Variants in PUM2 observed in about 807,000 individuals in gnomAD.
PUM2 encodes pumilio RNA binding family member 2.
A neutral mutation model predicts 124.5 loss-of-function variants in PUM2; 57 were observed. The observed-to-expected ratio is 0.46, with a 90% CI of 0.37 to 0.57. The LOEUF is 0.57. Ranked by LOEUF, PUM2 falls within the 20% of genes least tolerant of loss-of-function variation. The probability of loss-of-function intolerance (pLI) is 0.00; values close to 1 mark genes in which losing one functional copy is unlikely to be tolerated. For synonymous variants in PUM2, 460 were observed against 446.1 expected (o/e 1.03, Z -0.39); for missense variants, 1,065 against 1,290.6 (o/e 0.83, Z 2.68).
chr2:20,266,184 A>G (rs1301850183), intron 13 of PUM2, among the ~76,000 whole-genome samples: 1 of 152,132 alleles, frequency 6.6e-6, no homozygotes, highest in African/African-American at 2.4e-5. Context: ...GCTCACGCCT[A>G]TAATCCCAGC....
At chr2:20,266,462 A>AC (rs1454339197) in intron 13 of PUM2, among the ~76,000 whole-genome samples, 1 of 151,444 alleles carries the variant, frequency 6.6e-6, no homozygotes, top group East Asian at 1.9e-4. Context: ...AAACAAAACA[A>AC]AACAACAACA....
intron 2 of PUM2, among the ~76,000 whole-genome samples, chr2:20,323,180 G>A (rs139555606): frequency 6.6e-6 from 1 of 152,242 alleles, no homozygotes; most frequent in East Asian, 1.9e-4. Context: ...CAGGTGCGGT[G>A]GCTCACGTCT....
rs1663285960 is a variant in PUM2, at chr2:20,251,511, G to T, written c.*74C>A. On this transcript the variant is annotated 3_prime_UTR_variant, in exon 21 of 21. Coordinates refer to ENST00000361078, the MANE Select transcript of PUM2 (RefSeq NM_015317.5). ...AAAATTGAAGATTCATAGTTGAGTT[G>T]TGTTTTGATAATTCACACACAAAAA... 1.4e-6 allele frequency: 2 copies of T among 1,471,856 alleles called. No homozygotes were observed. Among genetic ancestry groups the T allele is most frequent in the African/African-American group, 1.4e-5 (1 of 70,724 alleles). 91.2% of individuals were successfully genotyped at this position (1,471,856 alleles called of 1,614,324 possible).
chr2:20,320,309 T>C (rs1180262321), intron 2 of PUM2, among the ~76,000 whole-genome samples: 1 of 152,020 alleles, frequency 6.6e-6, no homozygotes, highest in African/African-American at 2.4e-5. Context: ...GAAAATAAAA[T>C]GGATCTGAGA....
chr2:20,350,835 G>GCCCTC lies in PUM2; in HGVS notation c.-262_-258dup, dbSNP rs1022909620. 75 of 969,892 alleles carry GCCCTC rather than the reference G, an allele frequency of 7.7e-5. No individual in the cohort carries two copies. The highest frequency in any genetic ancestry group is 8.3e-5 in the Non-Finnish European group (68 of 817,134). The allele number at this position is 969,892 out of a possible 1,614,324, so 60.1% of individuals were successfully genotyped here. On this transcript the variant is annotated 5_prime_UTR_variant, in exon 1 of 21. Coordinates refer to ENST00000361078, the MANE Select transcript of PUM2 (RefSeq NM_015317.5). ...AACAACATGGCTGCCACCGCCGCCT[G>GCCCTC]CCCTCCCCTCCCCCCCGCCCACCGG...
intron 8 of PUM2, among the ~76,000 whole-genome samples, chr2:20,295,587 T>C (rs190531769): frequency 4.6e-5 from 7 of 151,680 alleles, no homozygotes; most frequent in Non-Finnish European, 5.9e-5. Flanking sequence ...GTAAAAATAA[T>C]AAAAAGGGTA....
At chr2:20,323,214 C>A (rs145597664) in intron 2 of PUM2, among the ~76,000 whole-genome samples, 1 of 152,150 alleles carries the variant, frequency 6.6e-6, no homozygotes, top group African/African-American at 2.4e-5. Context: ...TTTGGGAGGC[C>A]GAAGTGGGCG....
At chr2:20,282,452 T>C (rs1572695264) in intron 12 of PUM2, among the ~76,000 whole-genome samples, 1 of 152,340 alleles carries the variant, frequency 6.6e-6, no homozygotes, top group East Asian at 1.9e-4. Flanking sequence ...CATTTCAGTA[T>C]TTATACATAC....
intron 10 of PUM2, among the ~76,000 whole-genome samples, chr2:20,285,571 C>T (rs1004633998): frequency 5.9e-5 from 9 of 152,090 alleles, no homozygotes; most frequent in African/African-American, 2.2e-4. Flanking sequence ...GCATTCTGTT[C>T]CTCTGTCACA....
At chr2:20,275,172 CAGG>C (rs916236591) in intron 13 of PUM2, among the ~76,000 whole-genome samples, 6 of 151,718 alleles carry the variant, frequency 4.0e-5, no homozygotes, top group Non-Finnish European at 8.8e-5. Context: ...TTGTTGTCAA[CAGG>C]AGAACCAATA....
chr2:20,254,529 C>T (rs1024584970), intron 19 of PUM2, among the ~76,000 whole-genome samples: 1 of 152,104 alleles, frequency 6.6e-6, no homozygotes, highest in African/African-American at 2.4e-5. Context: ...AGTTTAATTA[C>T]AGGTCTCTTA....
At chr2:20,255,127 G>C in intron 18 of PUM2, 89 bp downstream of exon 18, 1 of 1,481,708 alleles carries the variant, frequency 6.7e-7, no homozygotes, top group Non-Finnish European at 9.2e-7. Flanking sequence ...CTTGTCTATA[G>C]TGTGTTTAGT....
chr2:20,278,186 T>A (rs774922411), intron 13 of PUM2, among the ~76,000 whole-genome samples: 1 of 152,168 alleles, frequency 6.6e-6, no homozygotes, highest in Non-Finnish European at 1.5e-5. Flanking sequence ...CAAAAACCAG[T>A]GTACTAACCT....
At chr2:20,319,800 T>C (rs1242328954) in intron 2 of PUM2, among the ~76,000 whole-genome samples, 1 of 152,136 alleles carries the variant, frequency 6.6e-6, no homozygotes, top group Non-Finnish European at 1.5e-5. Flanking sequence ...CTTAAAGACA[T>C]GCTAAGGAAG....
rs745433087 is a variant in PUM2, at chr2:20,250,185, A to C, written c.*1400T>G. 8.5e-5 allele frequency: 13 copies of C among 152,650 alleles called. No individual in the cohort carries two copies. The highest frequency in any genetic ancestry group is 1.3e-4 in the Non-Finnish European group (9 of 68,028). The allele number at this position is 152,650 out of a possible 1,614,324, so 9.5% of individuals were successfully genotyped here. A position where few individuals can be genotyped will look rare whatever the true frequency, so the allele number is the denominator to read the frequency against. On this transcript the variant is annotated 3_prime_UTR_variant, in exon 21 of 21. Transcript: ENST00000361078. The stretch of plus-strand genomic sequence containing the variant: ...CCTGACTTCAATTGAAAGTGATCCA[A>C]ATTCTAGCAGGTCCATATTAACAGT...
Position 20,254,910 on chromosome 2 carries a change from G to C in PUM2, c.2823C>G (p.Ser941=), listed in dbSNP as rs199730326. The C allele has an allele frequency of 1.2e-5, 20 of 1,613,864 alleles. No homozygotes were observed. The highest frequency in any genetic ancestry group is 1.5e-5 in the Non-Finnish European group (18 of 1,179,916). Residue 941 remains serine, a synonymous_variant, in exon 19 of 21, where the codon TCC becomes TCG. Transcript: ENST00000361078. ...GGGCTAAAACCTTTCCCCTGATTTC[G>C]GAAACAATTTTGCTCTTGTCTTCAG... ...GRPEDKSKIV[S]EIRGKVLALS... is the part of the protein sequence containing the mutation.
chr2:20,253,846 A>G lies in PUM2; in HGVS notation c.3039T>C (p.Ala1013=). 1 of 1,613,376 alleles carries G rather than the reference A, an allele frequency of 6.2e-7. No individual in the cohort carries two copies. The highest frequency in any genetic ancestry group is 8.5e-7 in the Non-Finnish European group (1 of 1,179,522). ...VQKMIDMAEP[A]QRKIIMHKIR... The stretch of plus-strand genomic sequence containing the variant: ...CCTTGTGCATGATTATCTTTCTCTG[A>G]GCAGGTTCAGCCATATCAATCATCT... The change falls in exon 20 of 21, where the codon GCT becomes GCC. Residue 1013 remains alanine (A), a synonymous_variant. Transcript: ENST00000361078.
chr2:20,312,477 T>C, intron 3 of PUM2, 54 bp from the exon 4 acceptor site: 1 of 1,469,720 alleles, frequency 6.8e-7, no homozygotes, highest in Non-Finnish European at 9.2e-7. Flanking sequence ...TTAAACAAAA[T>C]GTAGTTAAAT....
chr2:20,288,278 A>C (rs1673177547), intron 10 of PUM2, among the ~76,000 whole-genome samples: 1 of 152,244 alleles, frequency 6.6e-6, no homozygotes, highest in South Asian at 2.1e-4. Context: ...AAAGGCTATG[A>C]GTGAAATACC....
Sources: allele counts gnomAD v4.1 joint callset (sites outside exome capture counted in the v4.1 genomes callset), GRCh38; gene constraint gnomAD v4.1.1; transcripts MANE v1.5; gene names NCBI Gene and HGNC (gene_info 2026-07-23, HGNC 2026-07-21).